GOLGA5: variants seen among roughly 807,000 people sequenced by gnomAD.
The protein encoded by GOLGA5 is golgin A5.
In GOLGA5, 50 loss-of-function variants were observed where a neutral mutation model predicts 93.5. The observed-to-expected ratio is 0.53, with a 90% CI of 0.43 to 0.68. GOLGA5 has a LOEUF of 0.68. GOLGA5 is among the 30% of genes least tolerant of loss of function. The pLI, the probability that GOLGA5 is intolerant of heterozygous loss-of-function variation, is 0.00. For synonymous variants in GOLGA5, 312 were observed against 304.5 expected (o/e 1.02, Z -0.26); for missense variants, 760 against 856.4 (o/e 0.89, Z 1.40).
chr14:92,839,125 G>A (rs1073619), intron 12 of GOLGA5, among the ~76,000 whole-genome samples: 9,657 of 152,116 alleles, frequency 0.063, 364 homozygotes, highest in Middle Eastern at 0.12. Flanking sequence ...TTGCATACAC[G>A]TGCATATTGT....
intron 6 of GOLGA5, among the ~76,000 whole-genome samples, chr14:92,814,736 G>A (rs1347382999): frequency 6.6e-6 from 1 of 151,884 alleles, no homozygotes; most frequent in Admixed American, 6.6e-5. Context: ...TTAATTTAAC[G>A]TGAAAGCTGC....
intron 9 of GOLGA5, among the ~76,000 whole-genome samples, chr14:92,830,747 G>GCAC (rs1885514666): frequency 6.6e-6 from 1 of 152,048 alleles, no homozygotes; most frequent in South Asian, 2.1e-4. Flanking sequence ...CTACAGGCAT[G>GCAC]CACCACCACA....
intron 3 of GOLGA5, among the ~76,000 whole-genome samples, chr14:92,808,701 GAAAA>G (rs33921665): frequency 1.5e-5 from 2 of 135,188 alleles, no homozygotes; most frequent in Non-Finnish European, 3.1e-5. Flanking sequence ...TGTCTCACTG[GAAAA>G]AAAAAAAAAG....
intron 8 of GOLGA5, among the ~76,000 whole-genome samples, chr14:92,821,950 G>A (rs1017105343): frequency 2.6e-5 from 4 of 152,140 alleles, no homozygotes; most frequent in Admixed American, 6.5e-5. Context: ...TGGTTTTACC[G>A]TACCTCTTCC....
intron 3 of GOLGA5, among the ~76,000 whole-genome samples, chr14:92,808,677 C>G (rs371417127): frequency 2.4e-5 from 2 of 84,534 alleles, no homozygotes; most frequent in Non-Finnish European, 4.6e-5. Context: ...TTTTTTTTTT[C>G]TTTAAGAAAG....
intron 6 of GOLGA5, among the ~76,000 whole-genome samples, chr14:92,812,023 T>C (rs1885113575): frequency 1.3e-5 from 2 of 152,230 alleles, no homozygotes; most frequent in Admixed American, 1.3e-4. Flanking sequence ...TAATGCTTGT[T>C]GTTGAGCAGC....
At chr14:92,795,101 A>AT (rs200970329) in intron 1 of GOLGA5, among the ~76,000 whole-genome samples, 9,660 of 152,138 alleles carry the variant, frequency 0.063, 366 homozygotes, top group Middle Eastern at 0.12. Context: ...GCGTGTTTTG[A>AT]TTTTTTATTA....
At chr14:92,817,666 G>T (rs1209126776) in intron 7 of GOLGA5, among the ~76,000 whole-genome samples, 10 of 152,144 alleles carry the variant, frequency 6.6e-5, no homozygotes, top group Non-Finnish European at 1.3e-4. Flanking sequence ...ACTTTTTGTA[G>T]AGAATGTTCA....
At chr14:92,824,712 A>G in intron 9 of GOLGA5, 68 bp downstream of exon 9, 2 of 796,066 alleles carry the variant, frequency 2.5e-6, no homozygotes, top group Non-Finnish European at 4.2e-6. Context: ...TAAAAAGGAC[A>G]CAGTAAGAAC....
chr14:92,839,675 C>T lies in GOLGA5; in HGVS notation c.*229C>T. ...TTTAACAAGCTCAGCTCTGCTTTAT[C>T]TGAGTTTAGTGGTCCTAATATATAT... On this transcript the variant is annotated 3_prime_UTR_variant, in exon 13 of 13. Transcript: ENST00000163416. 1.7e-6 allele frequency: 1 copy of T among 571,560 alleles called. No homozygotes were observed. The highest frequency in any genetic ancestry group is 2.2e-5 in the South Asian group (1 of 44,598). 35.4% of individuals were successfully genotyped at this position (571,560 alleles called of 1,614,324 possible).
At chr14:92,826,475 C>T (rs779288923) in intron 9 of GOLGA5, among the ~76,000 whole-genome samples, 7 of 152,066 alleles carry the variant, frequency 4.6e-5, no homozygotes, top group African/African-American at 9.7e-5. Context: ...GTGGGCAGAT[C>T]ACTTGAGGCC....
chr14:92,808,663 G>T (rs1432636667), intron 3 of GOLGA5, among the ~76,000 whole-genome samples: 1 of 133,822 alleles, frequency 7.5e-6, no homozygotes, highest in South Asian at 2.3e-4. Context: ...ATGTTTTTGG[G>T]TTTTTTTTTT....
At chr14:92,797,078 A>T (rs1346579524) in intron 1 of GOLGA5, among the ~76,000 whole-genome samples, 1 of 98,634 alleles carries the variant, frequency 1.0e-5, no homozygotes. Flanking sequence ...AATAATAAAA[A>T]TAGAAATAAT....
intron 12 of GOLGA5, among the ~76,000 whole-genome samples, chr14:92,837,798 G>A (rs943807257): frequency 2.0e-5 from 3 of 152,046 alleles, no homozygotes; most frequent in Admixed American, 1.3e-4. Context: ...TTCTGGGCTC[G>A]AGTGATCCTC....
At chr14:92,822,306 T>A (rs1024489443) in intron 8 of GOLGA5, among the ~76,000 whole-genome samples, 2 of 152,232 alleles carry the variant, frequency 1.3e-5, no homozygotes, top group Non-Finnish European at 2.9e-5. Flanking sequence ...CACCTTTACT[T>A]TTTCAGACAG....
intron 10 of GOLGA5, 121 bp downstream of exon 10, chr14:92,833,468 A>C: frequency 1.4e-6 from 1 of 692,822 alleles, no homozygotes; most frequent in Non-Finnish European, 2.5e-6. Flanking sequence ...TTCTGATATG[A>C]GACCTGGGCC....
At chr14:92,802,031 C>T (rs1884884761) in intron 2 of GOLGA5, among the ~76,000 whole-genome samples, 1 of 152,148 alleles carries the variant, frequency 6.6e-6, no homozygotes, top group Non-Finnish European at 1.5e-5. Context: ...CTCCTGTATG[C>T]ATTTTAGGAT....
At chr14:92,799,031 A>C (rs894375892) in intron 2 of GOLGA5, among the ~76,000 whole-genome samples, 1 of 152,120 alleles carries the variant, frequency 6.6e-6, no homozygotes, top group African/African-American at 2.4e-5. Flanking sequence ...CCGTGATGCT[A>C]TCACAGCTCG....
intron 2 of GOLGA5, among the ~76,000 whole-genome samples, chr14:92,801,035 G>A (rs1171794348): frequency 1.3e-5 from 2 of 152,142 alleles, no homozygotes; most frequent in Non-Finnish European, 2.9e-5. Flanking sequence ...CAGCATCTCT[G>A]GCCTCTTAGC....
Sources: allele counts gnomAD v4.1 joint callset (sites outside exome capture counted in the v4.1 genomes callset), GRCh38; gene constraint gnomAD v4.1.1; transcripts MANE v1.5; gene names NCBI Gene and HGNC (gene_info 2026-07-23, HGNC 2026-07-21).